Variants in FAT3 observed in about 807,000 individuals in gnomAD.
The protein encoded by FAT3 is FAT atypical cadherin 3.
In FAT3, 95 loss-of-function variants were observed where a neutral mutation model predicts 310.2. The ratio of observed to expected loss-of-function variants is 0.31; its 90% confidence interval spans 0.26 to 0.36. The LOEUF is 0.36. Among genes scored for constraint, FAT3 ranks in the 10% least tolerant of loss-of-function variants. The pLI is 1.00. For missense variants in FAT3, 5,408 were observed against 5,715.6 expected (o/e 0.95, Z 1.74); for synonymous variants, 2,314 against 2,192.9 (o/e 1.06, Z -1.54).
At chr11:92,662,173 A>G (rs1169534846) in intron 3 of FAT3, among the ~76,000 whole-genome samples, 1 of 152,210 alleles carries the variant, frequency 6.6e-6, no homozygotes, top group African/African-American at 2.4e-5. Flanking sequence ...CCAAGTTACT[A>G]GTACTGTGTC....
At chr11:92,549,310 A>G (rs901268612) in intron 3 of FAT3, among the ~76,000 whole-genome samples, 5 of 152,204 alleles carry the variant, frequency 3.3e-5, no homozygotes, top group Admixed American at 1.3e-4. Flanking sequence ...GTAGATTACA[A>G]TATTTCAAGC....
intron 1 of FAT3, among the ~76,000 whole-genome samples, chr11:92,301,096 C>T (rs968398436): frequency 2.6e-5 from 4 of 152,034 alleles, no homozygotes; most frequent in East Asian, 1.9e-4. Flanking sequence ...CTTTTGGTGA[C>T]GGGCAGCATG....
chr11:92,233,577 G>A (rs1194128415), intron 1 of FAT3, among the ~76,000 whole-genome samples: 4 of 152,160 alleles, frequency 2.6e-5, no homozygotes, highest in Admixed American at 6.5e-5. Context: ...GGTATAAGTC[G>A]TAATGTATGT....
At chr11:92,493,784 TAGTGGTAACAATGC>T (rs1268962350) in intron 2 of FAT3, among the ~76,000 whole-genome samples, 1 of 152,044 alleles carries the variant, frequency 6.6e-6, no homozygotes, top group African/African-American at 2.4e-5. Flanking sequence ...TGCTGAAGGC[TAGTGGTAACAATGC>T]AGCATGAGTT....
At chr11:92,533,540 C>T (rs1277734554) in intron 3 of FAT3, among the ~76,000 whole-genome samples, 2 of 152,122 alleles carry the variant, frequency 1.3e-5, no homozygotes, top group African/African-American at 2.4e-5. Context: ...AAAATGATTG[C>T]TCGATGCTGT....
chr11:92,471,915 CTATATATATATATATATATATA>C (rs140886151), intron 2 of FAT3, among the ~76,000 whole-genome samples: 49 of 124,940 alleles, frequency 3.9e-4, no homozygotes, highest in East Asian at 3.8e-3. Context: ...TTTTCATATG[CTATATATATATATATATATATA>C]TATATATATA....
chr11:92,528,155 TG>T (rs1348050349), intron 3 of FAT3, among the ~76,000 whole-genome samples: 1 of 152,224 alleles, frequency 6.6e-6, no homozygotes, highest in East Asian at 1.9e-4. Context: ...CACAAATAAC[TG>T]GGTTTTTTTC....
chr11:92,746,916 G>A (rs985256054), intron 4 of FAT3, among the ~76,000 whole-genome samples: 6 of 152,234 alleles, frequency 3.9e-5, no homozygotes, highest in Non-Finnish European at 5.9e-5. Flanking sequence ...GCCTTGAGTA[G>A]CTCCACTCCT....
chr11:92,763,752 G>T (rs1306420636), intron 5 of FAT3, among the ~76,000 whole-genome samples: 1 of 152,018 alleles, frequency 6.6e-6, no homozygotes. Context: ...CTCCTACCCT[G>T]CCCACCCTGA....
intron 3 of FAT3, among the ~76,000 whole-genome samples, chr11:92,686,502 AACT>A (rs1237016195): frequency 6.6e-6 from 1 of 152,184 alleles, no homozygotes; most frequent in Non-Finnish European, 1.5e-5. Context: ...CCAGCTTTGG[AACT>A]GTTATATATT....
intron 1 of FAT3, among the ~76,000 whole-genome samples, chr11:92,251,526 C>T (rs1865140779): frequency 1.3e-5 from 2 of 152,026 alleles, no homozygotes; most frequent in African/African-American, 2.4e-5. Flanking sequence ...TTTCTACAAC[C>T]AGTTAGTTTT....
At position 92,895,423 on chromosome 11, in the gene FAT3, G is replaced by GAT. The variant is rs1950009108; in HGVS notation, c.*4313_*4314dup. The GAT allele has an allele frequency of 6.6e-6, 1 of 152,142 alleles. No individual in the cohort carries two copies. The highest frequency in any genetic ancestry group is 2.4e-5 in the African/African-American group (1 of 41,442). 9.4% of individuals were successfully genotyped at this position (152,142 alleles called of 1,614,324 possible). On this transcript the variant is annotated 3_prime_UTR_variant, in exon 28 of 28. Coordinates refer to ENST00000525166, the MANE Select transcript of FAT3 (RefSeq NM_001367949.2). ...TGGCTAAGAGATAGGAAAAGAATAT[G>GAT]ATATTTCTTTCCTTATGTAATAATG...
rs749409069 is a variant in FAT3, at chr11:92,834,952, C to A, written c.9954C>A (p.Thr3318=). Residue 3318 remains threonine (T), a synonymous_variant, in exon 15 of 28, where the codon ACC becomes ACA. Transcript: ENST00000525166. ...TAGTGGAAGCCAAAGATGGGGGCAC[C>A]CCAGCTCTCAGCGCTGTGGCCACTG... is the stretch of plus-strand genomic sequence containing the variant. ...YLVVEAKDGG[T]PALSAVATVN... is the part of the protein sequence containing the mutation. 1.2e-6 allele frequency: 2 copies of A among 1,613,190 alleles called. No individual in the cohort carries two copies. The highest frequency in any genetic ancestry group is 2.7e-5 in the African/African-American group (2 of 75,036).
At chr11:92,654,431 G>A (rs979731551) in intron 3 of FAT3, among the ~76,000 whole-genome samples, 8 of 152,084 alleles carry the variant, frequency 5.3e-5, no homozygotes, top group African/African-American at 1.2e-4. Flanking sequence ...TCTCTCTACC[G>A]GGTCCTCTTA....
intron 3 of FAT3, among the ~76,000 whole-genome samples, chr11:92,595,722 TG>T (rs1939669355): frequency 6.6e-6 from 1 of 152,220 alleles, no homozygotes; most frequent in South Asian, 2.1e-4. Flanking sequence ...TCATTGGTAG[TG>T]TATCAGGCAT....
chr11:92,229,393 C>T (rs1332459922), intron 1 of FAT3, among the ~76,000 whole-genome samples: 2 of 151,644 alleles, frequency 1.3e-5, no homozygotes, highest in African/African-American at 2.4e-5. Context: ...TTTAATTCTA[C>T]AGGCTTCTCA....
rs530655635 is a variant in FAT3, at chr11:92,395,848, G to A, written c.3292+40444G>A. On this transcript the variant is annotated intron_variant, in intron 2 of 27. Transcript: ENST00000525166. ...CCCACCTTGGCCTCCCAAAGTGCTG[G>A]GATTACAGGCATCAGCCACCACGCC... is the stretch of plus-strand genomic sequence containing the variant. Among the ~76,000 whole-genome samples the A allele has an allele frequency of 2.0e-4, 31 of 152,124 alleles. No individual in the cohort carries two copies. The South Asian group carries it at 3.5e-3, about 17-fold the overall frequency.
chr11:92,859,497 T>C lies in FAT3; in HGVS notation c.11658+175T>C, dbSNP rs140980593. 1.9e-3 allele frequency among the ~76,000 whole-genome samples: 291 copies of C among 152,268 alleles called. 1 individual carries two copies. The highest frequency in any genetic ancestry group is 6.9e-3 in the African/African-American group (285 of 41,558). On this transcript the variant is annotated intron_variant, in intron 21 of 27. Coordinates refer to ENST00000525166, the MANE Select transcript of FAT3 (RefSeq NM_001367949.2). ...GAAGGGAGCCAACATCCCATTTCCT[T>C]TTGAACATTCAGCTTCAAAATTGGC...
intron 2 of FAT3, among the ~76,000 whole-genome samples, chr11:92,466,529 C>A (rs1178936116): frequency 1.3e-5 from 2 of 151,762 alleles, no homozygotes; most frequent in East Asian, 3.9e-4. Context: ...GCCAGGTAGC[C>A]AAAACTTTGC....
Sources: allele counts gnomAD v4.1 joint callset (sites outside exome capture counted in the v4.1 genomes callset), GRCh38; gene constraint gnomAD v4.1.1; transcripts MANE v1.5; gene names NCBI Gene and HGNC (gene_info 2026-07-23, HGNC 2026-07-21).